Variants in MACROD2 observed in about 807,000 individuals in gnomAD.
MACROD2 encodes the protein ADP-ribose glycohydrolase MACROD2.
A neutral mutation model predicts 70.4 loss-of-function variants in MACROD2; 36 were observed. The observed-to-expected ratio is 0.51, with a 90% CI of 0.39 to 0.68. The LOEUF is 0.68. Among genes scored for constraint, MACROD2 ranks in the 30% least tolerant of loss-of-function variants. The probability of loss-of-function intolerance (pLI) is 0.00; values close to 1 mark genes in which losing one functional copy is unlikely to be tolerated. For synonymous variants in MACROD2, 172 were observed against 178.8 expected (o/e 0.96, Z 0.30); for missense variants, 496 against 538.4 (o/e 0.92, Z 0.78).
chr20:14,508,082 T>G (rs1430993245), intron 4 of MACROD2, among the ~76,000 whole-genome samples: 1 of 151,964 alleles, frequency 6.6e-6, no homozygotes. Context: ...TGCCAGGAAA[T>G]CTACAAAGCC....
At chr20:15,505,452 A>C (rs1344624120) in intron 8 of MACROD2, among the ~76,000 whole-genome samples, 6 of 152,124 alleles carry the variant, frequency 3.9e-5, no homozygotes, top group Non-Finnish European at 8.8e-5. Context: ...AAGCAGATAG[A>C]TGGACAGAAA....
At chr20:15,989,878 CT>C (rs11087154) in intron 15 of MACROD2, among the ~76,000 whole-genome samples, 149,373 of 151,846 alleles carry the variant, frequency 0.98, 73,521 homozygotes, top group East Asian at 1. Flanking sequence ...CTTTTTCTCT[CT>C]TTTTTGTAGC....
intron 6 of MACROD2, among the ~76,000 whole-genome samples, chr20:15,362,225 C>T (rs1168708036): frequency 3.3e-5 from 5 of 151,900 alleles, no homozygotes; most frequent in African/African-American, 4.8e-5. Flanking sequence ...AACTCCTGAC[C>T]TCAGGTGATC....
At chr20:14,700,985 C>T (rs1403819361) in intron 5 of MACROD2, among the ~76,000 whole-genome samples, 5 of 152,160 alleles carry the variant, frequency 3.3e-5, no homozygotes, top group South Asian at 2.1e-4. Context: ...TAGAGACCCC[C>T]GAATTCATCT....
At chr20:15,934,137 C>G (rs2065621931) in intron 11 of MACROD2, among the ~76,000 whole-genome samples, 1 of 152,142 alleles carries the variant, frequency 6.6e-6, no homozygotes, top group African/African-American at 2.4e-5. Context: ...CTTTAGTTTC[C>G]CAGTTATTCT....
At chr20:14,421,192 T>A (rs1165758074) in intron 3 of MACROD2, among the ~76,000 whole-genome samples, 2 of 152,222 alleles carry the variant, frequency 1.3e-5, no homozygotes, top group African/African-American at 4.8e-5. Flanking sequence ...TGTAGCGTCT[T>A]TGGTTTTGTT....
intron 2 of MACROD2, among the ~76,000 whole-genome samples, chr20:14,055,541 A>C (rs2053622679): frequency 6.6e-6 from 1 of 151,376 alleles, no homozygotes; most frequent in Non-Finnish European, 1.5e-5. Flanking sequence ...ATATATACAC[A>C]TTTGACTATG....
At chr20:14,599,528 G>A (rs571252792) in intron 4 of MACROD2, among the ~76,000 whole-genome samples, 2 of 152,254 alleles carry the variant, frequency 1.3e-5, no homozygotes, top group Admixed American at 6.5e-5. Flanking sequence ...TATGTAAGAG[G>A]GAGATAATGC....
At chr20:15,999,309 T>A (rs1290946856) in intron 15 of MACROD2, among the ~76,000 whole-genome samples, 1 of 152,204 alleles carries the variant, frequency 6.6e-6, no homozygotes, top group Non-Finnish European at 1.5e-5. Flanking sequence ...TTCTTCCTGT[T>A]ATTGTTTTTT....
intron 15 of MACROD2, among the ~76,000 whole-genome samples, chr20:16,034,674 T>C (rs1181952521): frequency 2.0e-5 from 3 of 151,936 alleles, no homozygotes; most frequent in Non-Finnish European, 4.4e-5. Flanking sequence ...TATTTTATTT[T>C]TCCATAAGTT....
chr20:14,771,058 C>T (rs1005970548), intron 5 of MACROD2, among the ~76,000 whole-genome samples: 12 of 151,992 alleles, frequency 7.9e-5, no homozygotes, highest in African/African-American at 2.9e-4. Context: ...AGCTGATTGC[C>T]CTCTCCAATA....
At chr20:14,645,175 T>G (rs1985316586) in intron 4 of MACROD2, among the ~76,000 whole-genome samples, 2 of 152,140 alleles carry the variant, frequency 1.3e-5, no homozygotes, top group Admixed American at 1.3e-4. Flanking sequence ...TGTAAAGCTC[T>G]TTGAAAAAGT....
intron 3 of MACROD2, among the ~76,000 whole-genome samples, chr20:14,359,688 A>G (rs573133063): frequency 6.6e-6 from 1 of 152,260 alleles, no homozygotes; most frequent in East Asian, 1.9e-4. Context: ...CCTGAGCAAC[A>G]TGGTAAAACC....
chr20:14,147,470 T>C (rs1016316712), intron 3 of MACROD2, among the ~76,000 whole-genome samples: 12 of 152,216 alleles, frequency 7.9e-5, no homozygotes, highest in Non-Finnish European at 1.2e-4. Context: ...TAATGTTAAC[T>C]ATCATCATTA....
chr20:15,898,853 CA>C (rs2065016826), intron 10 of MACROD2, among the ~76,000 whole-genome samples: 1 of 151,736 alleles, frequency 6.6e-6, no homozygotes, highest in Non-Finnish European at 1.5e-5. Flanking sequence ...TAGATAGATG[CA>C]TACATATATA....
chr20:15,896,950 A>G (rs925233660), intron 10 of MACROD2, among the ~76,000 whole-genome samples: 2 of 152,188 alleles, frequency 1.3e-5, no homozygotes, highest in African/African-American at 4.8e-5. Flanking sequence ...TTTGGAAAAA[A>G]GCCTGATTAG....
intron 5 of MACROD2, among the ~76,000 whole-genome samples, chr20:14,965,734 C>T (rs532190730): frequency 6.6e-6 from 1 of 151,834 alleles, no homozygotes; most frequent in South Asian, 2.1e-4. Context: ...TTCCAAAGTG[C>T]TGGGATTACG....
chr20:15,453,833 T>C (rs891713433), intron 7 of MACROD2, among the ~76,000 whole-genome samples: 11 of 152,174 alleles, frequency 7.2e-5, no homozygotes, highest in Non-Finnish European at 1.6e-4. Context: ...AATTCTCCTT[T>C]TCTAGGGTCT....
chr20:14,897,981 TTAA>T (rs2073850599), intron 5 of MACROD2, among the ~76,000 whole-genome samples: 1 of 152,102 alleles, frequency 6.6e-6, no homozygotes, highest in Non-Finnish European at 1.5e-5. Context: ...ACCATACCTC[TTAA>T]TAGCATCATC....
Sources: gnomAD v4.1 joint callset for allele counts (sites outside exome capture counted in the v4.1 genomes callset) on GRCh38, gnomAD v4.1.1 for gene constraint, MANE v1.5 for transcripts, NCBI Gene and HGNC (gene_info 2026-07-23, HGNC 2026-07-21) for gene names.